Variants in RNASEH1 observed in about 807,000 individuals in gnomAD.
The protein encoded by RNASEH1 is ribonuclease H type II.
In RNASEH1, 27 loss-of-function variants were observed where a neutral mutation model predicts 34.6. The observed-to-expected ratio is 0.78, with a 90% CI of 0.58 to 1.08. RNASEH1 has a LOEUF of 1.08. Among genes scored for constraint, RNASEH1 ranks in the 50% least tolerant of loss-of-function variants. The pLI, the probability that RNASEH1 is intolerant of heterozygous loss-of-function variation, is 0.00. For synonymous variants in RNASEH1, 162 were observed against 138.4 expected, an observed-to-expected ratio of 1.17 and a Z score of -1.20; for missense variants, 349 against 373.6, an observed-to-expected ratio of 0.93 and a Z score of 0.54.
At chr2:3,537,107 C>G (rs1180073052), downstream of RNASEH1, among the ~76,000 whole-genome samples, 2 of 152,228 alleles carry the variant, frequency 1.3e-5, no homozygotes, top group Non-Finnish European at 2.9e-5. Context: ...ATGTGATCCC[C>G]ATCAATTTTC....
At chr2:3,533,242 A>G in the RNASEH1 span, 3 of 152,252 alleles carry the variant, frequency 2.0e-5, no homozygotes, top group Non-Finnish European at 4.4e-5. Flanking sequence ...CAGGGAGTTT[A>G]TTTTCTAGGT....
At chr2:3,552,416 A>C (rs1660034521) in intron 2 of RNASEH1, 108 bp from the exon 3 acceptor site, 1 of 1,076,446 alleles carries the variant, frequency 9.3e-7, no homozygotes, top group Non-Finnish European at 1.3e-6. Context: ...TCAGACTTAA[A>C]AACACCCTCT....
chr2:3,533,342 T>C, the RNASEH1 span: 1 of 152,390 alleles, frequency 6.6e-6, no homozygotes, highest in Non-Finnish European at 1.5e-5. Context: ...CTCTGGGGGA[T>C]GGCGGCCCCT....
chr2:3,545,706 G>T lies in RNASEH1; in HGVS notation c.*79C>A. 1.1e-6 allele frequency: 1 copy of T among 932,794 alleles called. No homozygotes were observed. The highest frequency in any genetic ancestry group is 1.6e-5 in the African/African-American group (1 of 61,938). The allele number at this position is 932,794 out of a possible 1,614,324, so 57.8% of individuals were successfully genotyped here. A position where few individuals can be genotyped will look rare whatever the true frequency, so the allele number is the denominator to read the frequency against. ...CATCACTGCAATGGTCCTACCTGCA[G>T]GCTATTTTCCACACCAGTAAGTACA... is the stretch of plus-strand genomic sequence containing the variant. On this transcript the variant is annotated 3_prime_UTR_variant, in exon 8 of 8. Coordinates refer to ENST00000315212, the MANE Select transcript of RNASEH1 (RefSeq NM_002936.6).
intron 2 of RNASEH1, among the ~76,000 whole-genome samples, chr2:3,552,954 T>C (rs574735320): frequency 6.6e-6 from 1 of 152,122 alleles, no homozygotes; most frequent in Non-Finnish European, 1.5e-5. Context: ...TGCAGGTTCA[T>C]CTAGCTTGAA....
At chr2:3,549,166 G>T (rs1669046840) in intron 4 of RNASEH1, 54 bp from the exon 5 acceptor site, 2 of 1,322,314 alleles carry the variant, frequency 1.5e-6, no homozygotes, top group South Asian at 1.2e-5. Context: ...TTCTCAAAGT[G>T]ATTCTTCTTA....
intron 7 of RNASEH1, 24 bp from the exon 8 acceptor site, chr2:3,545,895 T>C (rs370703350): frequency 2.6e-5 from 40 of 1,527,870 alleles, no homozygotes; most frequent in Non-Finnish European, 1.1e-5. Context: ...TGTTTTCCTT[T>C]TATTTTTACT....
chr2:3,541,212 C>CCA, downstream of RNASEH1, among the ~76,000 whole-genome samples: 1 of 151,906 alleles, frequency 6.6e-6, no homozygotes, highest in Non-Finnish European at 1.5e-5. Flanking sequence ...ACCTGTAGTC[C>CCA]CAGCTACTCG....
intron 4 of RNASEH1, chr2:3,550,168 G>T: frequency 1.1e-5 from 3 of 266,362 alleles, no homozygotes; most frequent in Non-Finnish European, 1.3e-5. Flanking sequence ...AAAAAAAAAA[G>T]CAAAGGAAGT....
At chr2:3,536,414 C>T in the RNASEH1 span, among the ~76,000 whole-genome samples, 9 of 150,982 alleles carry the variant, frequency 6.0e-5, no homozygotes. Flanking sequence ...CTTGAGTCCA[C>T]CCCTCCGAGT....
chr2:3,548,723 G>A lies in RNASEH1; in HGVS notation c.566C>T (p.Ala189Val). The A allele has an allele frequency of 6.2e-7, 1 of 1,610,438 alleles. No individual in the cohort carries two copies. The highest frequency in any genetic ancestry group is 8.5e-7 in the Non-Finnish European group (1 of 1,176,922). ...RQTNQRAEIH[A>V]ACKAIEQAKT... ...TGCTTGTTCAATGGCTTTGCAGGCT[G>A]CCTTGAAAAGACAAGTCGATAGTCA... Residue 189 changes from alanine (A) to valine (V), a missense_variant and splice_region_variant, in exon 6 of 8, where the codon GCA (alanine) becomes GTA (valine). Around this residue, in one of 2 missense-constraint regions of RNASEH1, gnomAD observed 93 missense variants for 132.9 expected, o/e 0.70. Coordinates refer to ENST00000315212, the MANE Select transcript of RNASEH1 (RefSeq NM_002936.6).
chr2:3,552,721 G>A (rs530956348), intron 2 of RNASEH1, among the ~76,000 whole-genome samples: 16 of 152,194 alleles, frequency 1.1e-4, no homozygotes, highest in Admixed American at 1.0e-3. Context: ...GGTGTTGCTG[G>A]GCGCAGTGGT....
downstream of RNASEH1, among the ~76,000 whole-genome samples, chr2:3,540,080 A>G (rs954545912): frequency 3.3e-5 from 5 of 152,172 alleles, no homozygotes; most frequent in Admixed American, 2.6e-4. Context: ...AGTTCTGCAC[A>G]AAGAACATTT....
chr2:3,548,720 G>A lies in RNASEH1; in HGVS notation c.569C>T (p.Ala190Val), dbSNP rs200811242. 6.1e-5 allele frequency: 99 copies of A among 1,611,552 alleles called. No individual in the cohort carries two copies. In the East Asian group the frequency reaches 2.0e-3, roughly 33 times the overall value. ...CTTTGCTTGTTCAATGGCTTTGCAG[G>A]CTGCCTTGAAAAGACAAGTCGATAG... ...QTNQRAEIHA[A>V]CKAIEQAKTQ... Residue 190 changes from alanine (A) to valine (V), a missense_variant, in exon 6 of 8, where the codon GCC (alanine) becomes GTC (valine). Physicochemically the swap from Ala to Val is moderately conservative, Grantham distance 64. This residue lies in a region of RNASEH1 where 93 missense variants were observed against 132.9 expected (regional missense o/e 0.70). Transcript: ENST00000315212.
intron 4 of RNASEH1, among the ~76,000 whole-genome samples, 189 bp from the exon 5 acceptor site, chr2:3,549,301 T>C (rs1248389466): frequency 1.3e-5 from 2 of 152,198 alleles, no homozygotes; most frequent in Admixed American, 1.3e-4. Context: ...CTTCTGACTC[T>C]CATGGGTTCC....
downstream of RNASEH1, among the ~76,000 whole-genome samples, chr2:3,537,566 T>A (rs1056122888): frequency 6.6e-6 from 1 of 151,502 alleles, no homozygotes. Flanking sequence ...CTAACAAAAA[T>A]AAAAATTAGC....
chr2:3,544,092 A>G lies in RNASEH1; in HGVS notation c.*1693T>C, dbSNP rs1427323010. 1.3e-5 allele frequency among the ~76,000 whole-genome samples: 2 copies of G among 152,254 alleles called. No individual in the cohort carries two copies. The highest frequency in any genetic ancestry group is 4.8e-5 in the African/African-American group (2 of 41,464). ...AGTATAAAAAAGAAAACACTTTCTT[A>G]GAAAACCATTCCAGCTAATAAAGGC... On this transcript the variant is annotated 3_prime_UTR_variant, in exon 8 of 8. Coordinates refer to ENST00000315212, the MANE Select transcript of RNASEH1 (RefSeq NM_002936.6).
At chr2:3,538,018 CAA>C (rs1250659405), downstream of RNASEH1, among the ~76,000 whole-genome samples, 1 of 131,580 alleles carries the variant, frequency 7.6e-6, no homozygotes, top group African/African-American at 3.3e-5. Context: ...GCCTGGCCAA[CAA>C]GAGCGAAACT....
chr2:3,546,830 A>G (rs1038708155), intron 7 of RNASEH1, among the ~76,000 whole-genome samples: 1 of 152,238 alleles, frequency 6.6e-6, no homozygotes, highest in Non-Finnish European at 1.5e-5. Flanking sequence ...TTTTGTCATA[A>G]AACAAAAACA....
Sources: allele counts gnomAD v4.1 joint callset (sites outside exome capture counted in the v4.1 genomes callset), GRCh38; gene constraint gnomAD v4.1.1; regional missense constraint gnomAD v4.1.1; transcripts MANE v1.5; gene names NCBI Gene and HGNC (gene_info 2026-07-23, HGNC 2026-07-21).